Variants in DZANK1 observed in about 807,000 individuals in gnomAD.
The protein encoded by DZANK1 is double zinc ribbon and ankyrin repeat domains 1.
Under a neutral mutation model 94.5 loss-of-function variants are expected in DZANK1, and 91 were observed. That is an observed-to-expected ratio of 0.96 (90% CI 0.81 to 1.15). The LOEUF is 1.15. Ranked by LOEUF, DZANK1 falls within the 50% of genes most tolerant of loss-of-function variation. The pLI, the probability that DZANK1 is intolerant of heterozygous loss-of-function variation, is 0.00. For synonymous variants in DZANK1, 312 were observed against 325.3 expected (o/e 0.96, Z 0.44); for missense variants, 903 against 916.4 (o/e 0.99, Z 0.19).
chr20:18,464,378 T>C (rs1601217809), intron 2 of DZANK1, among the ~76,000 whole-genome samples: 1 of 152,186 alleles, frequency 6.6e-6, no homozygotes, highest in East Asian at 1.9e-4. Flanking sequence ...TTTCTGTAGT[T>C]AGAGTTGAGA....
intron 4 of DZANK1, chr20:18,454,217 ACT>A: frequency 2.8e-6 from 1 of 354,972 alleles, no homozygotes; most frequent in South Asian, 2.1e-5. Flanking sequence ...GTCCTTAAAC[ACT>A]CTTCTCTCTG....
intron 2 of DZANK1, among the ~76,000 whole-genome samples, chr20:18,463,978 G>GTA (rs1449215755): frequency 2.0e-5 from 3 of 151,858 alleles, no homozygotes; most frequent in Non-Finnish European, 4.4e-5. Context: ...ATATGTGTAT[G>GTA]TATATATATG....
chr20:18,438,043 C>T (rs1309012336), intron 8 of DZANK1, among the ~76,000 whole-genome samples: 1 of 151,214 alleles, frequency 6.6e-6, no homozygotes, highest in African/African-American at 2.4e-5. Context: ...ATGGTGAAAC[C>T]CCGTCTCTAC....
intron 19 of DZANK1, among the ~76,000 whole-genome samples, chr20:18,387,667 G>GT (rs2148133030): frequency 6.6e-6 from 1 of 152,350 alleles, no homozygotes; most frequent in South Asian, 2.1e-4. Context: ...AAATTTGCTA[G>GT]TAAGAGGAAT....
exon 21 of DZANK1, chr20:18,384,070 T>C (rs1333168504): frequency 1.7e-5 from 3 of 179,526 alleles, no homozygotes; most frequent in Non-Finnish European, 3.5e-5. Context: ...TATTCTTTTT[T>C]TTTTTTGAGA....
intron 7 of DZANK1, among the ~76,000 whole-genome samples, chr20:18,448,263 CTGAG>C (rs2058957628): frequency 6.6e-6 from 1 of 152,144 alleles, no homozygotes; most frequent in South Asian, 2.1e-4. Flanking sequence ...AATAGTTACG[CTGAG>C]TGAAAGAAGT....
chr20:18,463,830 G>C (rs973609574), intron 2 of DZANK1, among the ~76,000 whole-genome samples: 9 of 151,768 alleles, frequency 5.9e-5, no homozygotes, highest in African/African-American at 1.7e-4. Context: ...CATAAATGCA[G>C]ATAGTTTGTA....
intron 13 of DZANK1, among the ~76,000 whole-genome samples, chr20:18,399,577 C>T (rs1201391559): frequency 6.6e-6 from 1 of 152,210 alleles, no homozygotes; most frequent in Non-Finnish European, 1.5e-5. Context: ...CAAACGTGTA[C>T]ACCCCAATCA....
chr20:18,430,769 G>A (rs1029784075), intron 9 of DZANK1, among the ~76,000 whole-genome samples: 6 of 152,100 alleles, frequency 3.9e-5, no homozygotes, highest in Admixed American at 1.3e-4. Context: ...AGCCATGATC[G>A]TGCCACTGCA....
intron 4 of DZANK1, 39 bp from the exon 5 acceptor site, chr20:18,453,866 T>A: frequency 4.1e-6 from 5 of 1,216,648 alleles, no homozygotes; most frequent in Non-Finnish European, 6.1e-6. Flanking sequence ...ACTTGGTTAT[T>A]CCCATGTGAG....
At chr20:18,463,785 T>G (rs2059553460) in intron 2 of DZANK1, among the ~76,000 whole-genome samples, 1 of 152,156 alleles carries the variant, frequency 6.6e-6, no homozygotes, top group Admixed American at 6.5e-5. Flanking sequence ...TATGCTTAGT[T>G]AGAACTCTTG....
intron 14 of DZANK1, among the ~76,000 whole-genome samples, chr20:18,397,272 G>A (rs1282110417): frequency 2.0e-5 from 3 of 152,184 alleles, no homozygotes; most frequent in Non-Finnish European, 4.4e-5. Context: ...GGGTAATACT[G>A]GAAAATGAGA....
intron 2 of DZANK1, 80 bp downstream of exon 2, chr20:18,465,168 CAA>C: frequency 1.1e-6 from 1 of 932,586 alleles, no homozygotes; most frequent in Non-Finnish European, 1.6e-6. Context: ...AGAAAGCAGG[CAA>C]AGAGATAAAC....
chr20:18,460,479 C>T (rs2059437518), intron 2 of DZANK1, among the ~76,000 whole-genome samples, 173 bp from the exon 3 acceptor site: 1 of 152,188 alleles, frequency 6.6e-6, no homozygotes. Flanking sequence ...CCTGTAATCC[C>T]AGCACTTTGG....
At chr20:18,407,791 T>C (rs1017505214) in intron 13 of DZANK1, among the ~76,000 whole-genome samples, 1 of 152,190 alleles carries the variant, frequency 6.6e-6, no homozygotes, top group Non-Finnish European at 1.5e-5. Flanking sequence ...TGCTAAAATA[T>C]GCATCAGAGT....
chr20:18,405,984 T>C (rs549484685), intron 13 of DZANK1, among the ~76,000 whole-genome samples: 1 of 152,196 alleles, frequency 6.6e-6, no homozygotes, highest in Non-Finnish European at 1.5e-5. Context: ...TGCCCGCACA[T>C]GGAGGGAGCA....
chr20:18,423,203 T>C (rs972884999), intron 10 of DZANK1, among the ~76,000 whole-genome samples: 3 of 152,202 alleles, frequency 2.0e-5, no homozygotes, highest in Admixed American at 6.5e-5. Flanking sequence ...CAGTAGGCTA[T>C]ACCATCTAGG....
rs533598863 is a variant in DZANK1, at chr20:18,394,143, C to T, written c.1708+111G>A. Reference sequence around the variant, plus strand: ...GAGAAATAAAACGTCTGGAACATAACTGCAAGATCTGTGACCGGGCTGTCA... The same window carrying T: ...GAGAAATAAAACGTCTGGAACATAATTGCAAGATCTGTGACCGGGCTGTCA... On this transcript the variant is annotated intron_variant, in intron 16 of 20. Transcript: ENST00000262547. 6 of 924,546 alleles carry T rather than the reference C, an allele frequency of 6.5e-6. No individual in the cohort carries two copies. In the South Asian group the frequency reaches 9.3e-5, roughly 14 times the overall value. 57.3% of individuals were successfully genotyped at this position (924,546 alleles called of 1,614,324 possible).
chr20:18,449,630 T>C (rs867697182), intron 6 of DZANK1, among the ~76,000 whole-genome samples: 6 of 150,514 alleles, frequency 4.0e-5, no homozygotes, highest in Non-Finnish European at 8.9e-5. Context: ...TGGTGGCGGG[T>C]GCCTGTAATC....
Sources: gnomAD v4.1 joint callset for allele counts (sites outside exome capture counted in the v4.1 genomes callset) on GRCh38, gnomAD v4.1.1 for gene constraint, MANE v1.5 for transcripts, NCBI Gene and HGNC (gene_info 2026-07-23, HGNC 2026-07-21) for gene names.